NUP160: variants seen among roughly 807,000 people sequenced by gnomAD.
NUP160 encodes the protein nucleoporin 160.
NUP160 carries 94 observed loss-of-function variants against 196.9 expected under a neutral mutation model. The ratio of observed to expected loss-of-function variants is 0.48; its 90% CI spans 0.40 to 0.57. The LOEUF (loss-of-function observed/expected upper bound fraction) is 0.57, where lower values mean the gene tolerates loss of function less well. Among genes scored for constraint, NUP160 ranks in the 20% least tolerant of loss-of-function variants. NUP160 has a pLI of 0.00. For synonymous variants in NUP160, 605 were observed against 619.7 expected (o/e 0.98, Z 0.35); for missense variants, 1,638 against 1,748.3 (o/e 0.94, Z 1.13).
chr11:47,822,733 C>T (rs892215743), intron 7 of NUP160, among the ~76,000 whole-genome samples: 3 of 152,166 alleles, frequency 2.0e-5, no homozygotes, highest in East Asian at 1.9e-4. Context: ...CCCTACCCCA[C>T]GACAGGTGCC....
exon 1 of NUP160, chr11:47,848,296 T>C (rs976342779): frequency 6.2e-7 from 1 of 1,613,994 alleles, no homozygotes; most frequent in African/African-American, 1.3e-5. Flanking sequence ...GAAGCTCCGT[T>C]CCAGGGCTCC....
intron 10 of NUP160, among the ~76,000 whole-genome samples, chr11:47,819,041 C>A (rs180944069): frequency 6.6e-6 from 1 of 152,092 alleles, no homozygotes; most frequent in Admixed American, 6.6e-5. Context: ...TGGCCGGGCA[C>A]GGTGGCTCAC....
chr11:47,836,606 G>A (rs1285539524), intron 6 of NUP160, among the ~76,000 whole-genome samples: 1 of 151,722 alleles, frequency 6.6e-6, no homozygotes, highest in Non-Finnish European at 1.5e-5. Flanking sequence ...AAGTGAGACT[G>A]TTTCAAAAAA....
chr11:47,815,693 C>A lies in NUP160; in HGVS notation c.1516-44G>T, dbSNP rs1337413755. 2.0e-6 allele frequency: 3 copies of A among 1,484,934 alleles called. No homozygotes were observed. The African/African-American group carries it at 4.2e-5, about 21-fold the overall frequency. The allele number at this position is 1,484,934 out of a possible 1,614,324, so 92.0% of individuals were successfully genotyped here. Reference sequence around the variant, plus strand: ...AAGAAATTAAACTTTTGATGCCATTCAGGATCTTTGTCCACAAAAAACATA... The same window carrying A: ...AAGAAATTAAACTTTTGATGCCATTAAGGATCTTTGTCCACAAAAAACATA... On this transcript the variant is annotated intron_variant, in intron 12 of 35. Transcript: ENST00000378460.
Position 47,812,930 on chromosome 11 carries a change from G to A in NUP160, c.1904C>T (p.Pro635Leu), listed in dbSNP as rs149988673. ...CAGAATCTGCTCTGCAGCCTTTTCC[G>A]GAGACTGTAGGTTATAACAACTCAT... The change falls in exon 15 of 36, where the codon CCG becomes CTG. Residue 635 changes from proline (P) to leucine (L), a missense_variant. Pro to Leu is a moderately conservative substitution (Grantham distance 98, BLOSUM62 -3). This residue lies in a region of NUP160 where 1,345 missense variants were observed against 1,470.2 expected (regional missense o/e 0.91). Coordinates refer to ENST00000378460, the Ensembl canonical transcript of NUP160. 1.8e-3 allele frequency: 2,900 copies of A among 1,613,426 alleles called. 5 individuals carry two copies. The highest frequency in any genetic ancestry group is 2.3e-3 in the Non-Finnish European group (2,747 of 1,179,692).
At chr11:47,789,909 T>A (rs1264579161) in intron 29 of NUP160, among the ~76,000 whole-genome samples, 1 of 151,516 alleles carries the variant, frequency 6.6e-6, no homozygotes, top group African/African-American at 2.4e-5. Flanking sequence ...ACCTAAACAG[T>A]CAATTCACAC....
Position 47,808,547 on chromosome 11 carries a change from G to A in NUP160, c.2242-18C>T. On this transcript the variant is annotated intron_variant, in intron 17 of 35. Transcript: ENST00000378460. ...CAAATCACCTATACATTATGGGTAG[G>A]TGGACCAGACAAGAAATTATAGCAA... 1.2e-6 allele frequency: 2 copies of A among 1,606,042 alleles called. No homozygotes were observed. The highest frequency in any genetic ancestry group is 2.2e-5 in the South Asian group (2 of 89,242).
chr11:47,835,729 T>C, exon 7 of NUP160: 1 of 1,606,790 alleles, frequency 6.2e-7, no homozygotes, highest in Non-Finnish European at 8.5e-7. Flanking sequence ...GTAATTTGTG[T>C]CCAGTTCCAG....
chr11:47,845,233 T>G (rs1267013782), intron 2 of NUP160, among the ~76,000 whole-genome samples: 1 of 152,154 alleles, frequency 6.6e-6, no homozygotes, highest in Non-Finnish European at 1.5e-5. Context: ...CTCCACCTCC[T>G]GGGTTCAAGC....
chr11:47,796,152 T>TAAA lies in NUP160; in HGVS notation c.3289+1624_3289+1626dup, dbSNP rs35398008. ...CTGGGCAACGGAGTGAGACTTCATC[T>TAAA]AAAAAAAAAAAAAAAAAAAAAGGAG... On this transcript the variant is annotated intron_variant, in intron 27 of 35. Coordinates refer to ENST00000378460, the Ensembl canonical transcript of NUP160. 146 of 118,666 alleles carry TAAA rather than the reference T, an allele frequency of 1.2e-3. 2 individuals are homozygous for TAAA. The highest frequency in any genetic ancestry group is 2.4e-3 in the Admixed American group (20 of 8,188). 7.4% of individuals were successfully genotyped at this position (118,666 alleles called of 1,614,324 possible). A position where few individuals can be genotyped will look rare whatever the true frequency, so the allele number is the denominator to read the frequency against.
chr11:47,817,638 C>T (rs891741717), intron 11 of NUP160, among the ~76,000 whole-genome samples: 2 of 152,208 alleles, frequency 1.3e-5, no homozygotes, highest in Admixed American at 1.3e-4. Flanking sequence ...AGCCACCACG[C>T]CCGGCCTAGA....
At chr11:47,803,414 A>ATTTGCCATTCAAATGTAGTT in intron 22 of NUP160, 24 bp downstream of exon 22, 2 of 1,391,290 alleles carry the variant, frequency 1.4e-6, no homozygotes, top group Non-Finnish European at 1.0e-6. Context: ...TATAAAGTTT[A>ATTTGCCATTCAAATGTAGTT]TTTGCCATTC....
At chr11:47,821,733 T>C in exon 9 of NUP160, 1 of 1,612,400 alleles carries the variant, frequency 6.2e-7, no homozygotes, top group Non-Finnish European at 8.5e-7. Flanking sequence ...CTGTTCAAAG[T>C]TGATGTATTT....
At chr11:47,818,901 T>C (rs1370840162) in intron 10 of NUP160, among the ~76,000 whole-genome samples, 1 of 152,188 alleles carries the variant, frequency 6.6e-6, no homozygotes, top group Non-Finnish European at 1.5e-5. Flanking sequence ...TTGAAGTATG[T>C]TTTCTACTCC....
chr11:47,817,612 T>G (rs1389400364), intron 11 of NUP160, among the ~76,000 whole-genome samples: 1 of 152,230 alleles, frequency 6.6e-6, no homozygotes. Flanking sequence ...CCCGAAGTGC[T>G]GGGATTACAG....
rs763458684 is a variant in NUP160 at position 47,813,419 on chromosome 11, GA to G, written c.1687-5del. On this transcript the variant is annotated splice_polypyrimidine_tract_variant and splice_region_variant and intron_variant, in intron 13 of 35. Transcript: ENST00000378460. ...GAATAAGGAAAGACAGGTACCCCTG[GA>G]AATACAAATTTTCCAGTTACATTTT... 3.2e-6 allele frequency: 5 copies of G among 1,581,548 alleles called. No individual in the cohort carries two copies. Among genetic ancestry groups the G allele is most frequent in the Non-Finnish European group, 4.3e-6 (5 of 1,152,006 alleles).
chr11:47,838,960 T>C (rs1438682168), intron 4 of NUP160, among the ~76,000 whole-genome samples: 5 of 149,754 alleles, frequency 3.3e-5, no homozygotes, highest in Admixed American at 6.7e-5. Flanking sequence ...GCTGAGATCA[T>C]GCCACTGTAC....
exon 18 of NUP160, chr11:47,808,467 G>C: frequency 6.2e-7 from 1 of 1,613,938 alleles, no homozygotes. Flanking sequence ...ATAAGAGTAG[G>C]GGAGCTGTTC....
At chr11:47,801,974 AT>A (rs765847561) in intron 22 of NUP160, 44 bp from the exon 23 acceptor site, 3 of 1,600,876 alleles carry the variant, frequency 1.9e-6, no homozygotes, top group East Asian at 2.2e-5. Context: ...GATCATTCAA[AT>A]TCTAGGTGCT....
Sources: allele counts gnomAD v4.1 joint callset (sites outside exome capture counted in the v4.1 genomes callset), GRCh38; gene constraint gnomAD v4.1.1; regional missense constraint gnomAD v4.1.1; transcripts MANE v1.5; gene names NCBI Gene and HGNC (gene_info 2026-07-23, HGNC 2026-07-21).